The following AOAH variants were observed in gnomAD, a reference collection of about 807,000 sequenced individuals.
AOAH encodes acyloxyacyl hydrolase (neutrophil).
Under a neutral mutation model 92.2 loss-of-function variants are expected in AOAH, and 64 were observed. The ratio of observed to expected loss-of-function variants is 0.69; its 90% CI spans 0.57 to 0.86. AOAH has a LOEUF of 0.86. Among genes scored for constraint, AOAH ranks in the 40% least tolerant of loss-of-function variants. The pLI is 0.00. For synonymous variants in AOAH, 263 were observed against 254.5 expected (o/e 1.03, Z -0.32); for missense variants, 656 against 694.6 (o/e 0.94, Z 0.62).
chr7:36,549,620 T>C, intron 13 of AOAH, 145 bp from the exon 14 acceptor site: 1 of 592,200 alleles, frequency 1.7e-6, no homozygotes, highest in Admixed American at 3.2e-5. Context: ...ATGGAAATAA[T>C]TTTCTTCCAA....
At chr7:36,526,118 C>G (rs1021796531) in intron 19 of AOAH, among the ~76,000 whole-genome samples, 9 of 152,298 alleles carry the variant, frequency 5.9e-5, no homozygotes, top group East Asian at 5.8e-4. Flanking sequence ...AACCCCCATC[C>G]CTTCTCTACA....
chr7:36,520,410 G>A (rs1332326467), intron 20 of AOAH, among the ~76,000 whole-genome samples: 1 of 152,090 alleles, frequency 6.6e-6, no homozygotes, highest in Non-Finnish European at 1.5e-5. Context: ...CCTAATAACT[G>A]CTAGAAAGAA....
intron 12 of AOAH, among the ~76,000 whole-genome samples, chr7:36,577,054 G>A (rs1788565021): frequency 6.9e-6 from 1 of 144,374 alleles, no homozygotes; most frequent in Non-Finnish European, 1.5e-5. Context: ...TTGCTATGAA[G>A]CTGTGGTTGA....
At chr7:36,556,208 A>C (rs1026432059) in intron 13 of AOAH, among the ~76,000 whole-genome samples, 1 of 152,090 alleles carries the variant, frequency 6.6e-6, no homozygotes, top group African/African-American at 2.4e-5. Flanking sequence ...GGTTTCAAAG[A>C]ACATCTTTAT....
At chr7:36,553,595 TCCC>T (rs1786451496) in intron 13 of AOAH, among the ~76,000 whole-genome samples, 1 of 152,122 alleles carries the variant, frequency 6.6e-6, no homozygotes, top group Admixed American at 6.5e-5. Flanking sequence ...TAGTTTACAG[TCCC>T]ACCAACAGTG....
intron 2 of AOAH, among the ~76,000 whole-genome samples, chr7:36,683,564 C>A (rs1410909475): frequency 6.6e-6 from 1 of 152,058 alleles, no homozygotes; most frequent in East Asian, 1.9e-4. Context: ...AATTGATATT[C>A]TGAGACTGTT....
chr7:36,652,151 G>A (rs952076511), intron 4 of AOAH, among the ~76,000 whole-genome samples: 1 of 152,008 alleles, frequency 6.6e-6, no homozygotes. Context: ...ATAACAAGAT[G>A]AGCCTGGATC....
At chr7:36,518,232 T>C (rs752384767) in intron 20 of AOAH, among the ~76,000 whole-genome samples, 5 of 152,098 alleles carry the variant, frequency 3.3e-5, no homozygotes, top group Non-Finnish European at 7.4e-5. Context: ...GTTTTTGAGA[T>C]GAAGTCTCGC....
At chr7:36,616,675 T>G (rs770400319) in intron 10 of AOAH, among the ~76,000 whole-genome samples, 2 of 152,190 alleles carry the variant, frequency 1.3e-5, no homozygotes, top group Non-Finnish European at 2.9e-5. Flanking sequence ...CCATTGGAGC[T>G]GCTAGCTAAG....
At chr7:36,543,953 T>TC (rs1785604949) in intron 15 of AOAH, among the ~76,000 whole-genome samples, 1 of 138,766 alleles carries the variant, frequency 7.2e-6, no homozygotes, top group Admixed American at 7.1e-5. Context: ...CTTTCTTTTT[T>TC]TTTTTTTTTT....
chr7:36,570,759 G>A (rs1182882506), intron 13 of AOAH, among the ~76,000 whole-genome samples: 1 of 152,192 alleles, frequency 6.6e-6, no homozygotes, highest in Non-Finnish European at 1.5e-5. Flanking sequence ...CTTGCCAATT[G>A]TGGTTTTTGC....
intron 13 of AOAH, among the ~76,000 whole-genome samples, chr7:36,568,539 C>T (rs1235318717): frequency 6.6e-6 from 1 of 152,170 alleles, no homozygotes; most frequent in African/African-American, 2.4e-5. Flanking sequence ...ATTCTCAGAG[C>T]AGTGCTGTGT....
intron 6 of AOAH, among the ~76,000 whole-genome samples, chr7:36,625,530 G>A (rs1792597294): frequency 6.6e-6 from 1 of 152,186 alleles, no homozygotes; most frequent in African/African-American, 2.4e-5. Context: ...TCCGAAAGAG[G>A]AAATTCACCT....
In AOAH at chr7:36,614,726, C is replaced by T. The variant is rs1489288826; in HGVS notation, c.846+1654G>A. Among the ~76,000 whole-genome samples the T allele has an allele frequency of 6.6e-6, 1 of 152,234 alleles. No homozygotes were observed. The highest frequency in any genetic ancestry group is 1.5e-5 in the Non-Finnish European group (1 of 68,042). Reference sequence around the variant, plus strand: ...AGGCAAGAGGAAGATTGGGGTTGGGCATGGTGGCAGCTGTCACCTGCCCCA... The same window carrying T: ...AGGCAAGAGGAAGATTGGGGTTGGGTATGGTGGCAGCTGTCACCTGCCCCA... On this transcript the variant is annotated intron_variant, in intron 11 of 20. Transcript: ENST00000617537. The surrounding 1 kb of genome is among the most constrained non-coding windows in gnomAD (Gnocchi z 4.2).
rs745322754 is a variant in AOAH, at chr7:36,532,144, T to A, written c.1425+3A>T. 1 of 1,614,170 alleles carries A rather than the reference T, an allele frequency of 6.2e-7. No individual in the cohort carries two copies. The highest frequency in any genetic ancestry group is 1.7e-5 in the Admixed American group (1 of 60,022). ...GGTATCAAAAGGCCTGTGACAGTCA[T>A]ACCTCTGAAGTGAGAGTCCGCAACG... On this transcript the variant is annotated splice_donor_region_variant and intron_variant, in intron 18 of 20. Coordinates refer to ENST00000617537, the MANE Select transcript of AOAH (RefSeq NM_001637.4).
At chr7:36,692,502 T>C (rs1411642012) in intron 1 of AOAH, among the ~76,000 whole-genome samples, 1 of 152,038 alleles carries the variant, frequency 6.6e-6, no homozygotes, top group African/African-American at 2.4e-5. Context: ...TTGCCAACGT[T>C]GCCAAGAACA....
chr7:36,555,039 G>A (rs1405662895), intron 13 of AOAH, among the ~76,000 whole-genome samples: 2 of 144,656 alleles, frequency 1.4e-5, no homozygotes, highest in South Asian at 2.3e-4. Flanking sequence ...GGAGTGGTGA[G>A]AGAGGGCATC....
At chr7:36,633,889 CT>C (rs1793332700) in intron 5 of AOAH, among the ~76,000 whole-genome samples, 1 of 152,200 alleles carries the variant, frequency 6.6e-6, no homozygotes, top group Non-Finnish European at 1.5e-5. Context: ...GCCCTGTGCA[CT>C]GTGAGATGCT....
intron 13 of AOAH, among the ~76,000 whole-genome samples, chr7:36,557,777 C>A (rs960983901): frequency 6.6e-6 from 1 of 152,180 alleles, no homozygotes; most frequent in Non-Finnish European, 1.5e-5. Flanking sequence ...TTGATTGCAT[C>A]GGCTCCTGAG....
Sources: allele counts gnomAD v4.1 joint callset (sites outside exome capture counted in the v4.1 genomes callset), GRCh38; gene constraint gnomAD v4.1.1; non-coding constraint Gnocchi (gnomAD v3.1); transcripts MANE v1.5; gene names NCBI Gene and HGNC (gene_info 2026-07-23, HGNC 2026-07-21).